The following RAB28 variants were observed in gnomAD, a reference collection of about 807,000 sequenced individuals.
RAB28 encodes the protein ras-related protein Rab-28.
Under a neutral mutation model 31.7 loss-of-function variants are expected in RAB28, and 24 were observed. The observed-to-expected ratio is 0.76, with a 90% CI of 0.55 to 1.06. RAB28 has a LOEUF of 1.06. RAB28 is among the 50% of genes least tolerant of loss of function. The pLI, the probability that RAB28 is intolerant of heterozygous loss-of-function variation, is 0.00. For synonymous variants in RAB28, 100 were observed against 90.4 expected, an observed-to-expected ratio of 1.11 and a Z score of -0.60; for missense variants, 254 against 258.5, an observed-to-expected ratio of 0.98 and a Z score of 0.12.
intron 4 of RAB28, among the ~76,000 whole-genome samples, chr4:13,383,263 T>C (rs1480373389): frequency 4.6e-5 from 7 of 152,252 alleles, no homozygotes; most frequent in South Asian, 2.1e-4. Context: ...TCGCCACCCA[T>C]TGAAATCACC....
At chr4:13,391,197 A>T (rs1370707424) in intron 4 of RAB28, among the ~76,000 whole-genome samples, 2 of 152,224 alleles carry the variant, frequency 1.3e-5, no homozygotes, top group Admixed American at 1.3e-4. Flanking sequence ...AAGAACTTAA[A>T]CAAATTTACA....
chr4:13,408,254 C>A (rs1354178001), intron 4 of RAB28, among the ~76,000 whole-genome samples: 3 of 152,150 alleles, frequency 2.0e-5, no homozygotes, highest in Non-Finnish European at 4.4e-5. Context: ...GCCTTTTCTG[C>A]ATCTATTGAG....
chr4:13,368,279 C>T lies in RAB28; in HGVS notation c.*279G>A. 10 of 1,073,754 alleles carry T rather than the reference C, an allele frequency of 9.3e-6. No individual in the cohort carries two copies. Among genetic ancestry groups the T allele is most frequent in the Non-Finnish European group, 1.1e-5 (10 of 887,956 alleles). 66.5% of individuals were successfully genotyped at this position (1,073,754 alleles called of 1,614,324 possible). A position where few individuals can be genotyped will look rare whatever the true frequency, so the allele number is the denominator to read the frequency against. ...ACATCAATGAAAAAAGAAGCAAGGA[C>T]ATACAAAGAAACAACATCATTCTTT... On this transcript the variant is annotated 3_prime_UTR_variant, in exon 7 of 7. Coordinates refer to ENST00000330852, the MANE Select transcript of RAB28 (RefSeq NM_001017979.3).
At chr4:13,375,190 T>G (rs916771880) in intron 6 of RAB28, among the ~76,000 whole-genome samples, 2 of 152,138 alleles carry the variant, frequency 1.3e-5, no homozygotes, top group African/African-American at 2.4e-5. Context: ...ATCAAGTTAC[T>G]GAGTCTCTCC....
intron 4 of RAB28, among the ~76,000 whole-genome samples, chr4:13,388,068 G>A (rs186083939): frequency 6.6e-6 from 1 of 151,936 alleles, no homozygotes; most frequent in African/African-American, 2.4e-5. Flanking sequence ...TAACAAACGT[G>A]GTGTTATTCT....
At chr4:13,387,696 T>C (rs1450607642) in intron 4 of RAB28, among the ~76,000 whole-genome samples, 2 of 152,068 alleles carry the variant, frequency 1.3e-5, no homozygotes, top group Non-Finnish European at 2.9e-5. Flanking sequence ...AATAGCTGTC[T>C]GTGAAGAATT....
chr4:13,411,436 T>C lies in RAB28; in HGVS notation c.392-29842A>G, dbSNP rs148646268. On this transcript the variant is annotated intron_variant, in intron 4 of 6. Coordinates refer to ENST00000330852, the MANE Select transcript of RAB28 (RefSeq NM_001017979.3). ...GATATGTGATATGATATGAAGCATA[T>C]TGTAAAACTAATGTAAACTTAATAA... Among the ~76,000 whole-genome samples, 701 of 152,230 alleles carry C rather than the reference T, an allele frequency of 4.6e-3. 6 individuals carry two copies. The highest frequency in any genetic ancestry group is 0.016 in the African/African-American group (664 of 41,554).
Position 13,368,334 on chromosome 4 carries a change from G to A in RAB28, c.*224C>T, listed in dbSNP as rs116540634. The A allele has an allele frequency of 9.1e-4, 1,083 of 1,187,338 alleles. 2 individuals are homozygous for A. The highest frequency in any genetic ancestry group is 1.1e-3 in the Non-Finnish European group (1,039 of 959,422). The allele number at this position is 1,187,338 out of a possible 1,614,324, so 73.6% of individuals were successfully genotyped here. ...ATGAAGCAGTCTAATTCCAGGGAAT[G>A]GGTTTTCCATTTTGAATTCAAAGTG... is the stretch of plus-strand genomic sequence containing the variant. On this transcript the variant is annotated 3_prime_UTR_variant, in exon 7 of 7. Transcript: ENST00000330852.
chr4:13,428,234 C>T (rs904969062), intron 4 of RAB28, among the ~76,000 whole-genome samples: 5 of 152,182 alleles, frequency 3.3e-5, no homozygotes, highest in African/African-American at 1.2e-4. Context: ...TTTACTTCTT[C>T]TTTCTTTGGA....
chr4:13,403,595 TC>T (rs1478320411), intron 4 of RAB28, among the ~76,000 whole-genome samples: 1 of 152,242 alleles, frequency 6.6e-6, no homozygotes, highest in Non-Finnish European at 1.5e-5. Flanking sequence ...TATGGCATAT[TC>T]CTGCATATTG....
intron 4 of RAB28, among the ~76,000 whole-genome samples, chr4:13,407,593 T>C (rs865959925): frequency 7.9e-5 from 12 of 152,216 alleles, no homozygotes; most frequent in African/African-American, 2.9e-4. Context: ...ATAAATCACT[T>C]TGGGCGATAT....
intron 6 of RAB28, among the ~76,000 whole-genome samples, chr4:13,376,065 C>T (rs751189279): frequency 1.2e-4 from 18 of 151,928 alleles, no homozygotes; most frequent in South Asian, 4.1e-4. Flanking sequence ...TCTTGGCTGC[C>T]GCTATGCATG....
intron 3 of RAB28, among the ~76,000 whole-genome samples, chr4:13,462,880 C>G (rs1291371970): frequency 6.6e-6 from 1 of 152,126 alleles, no homozygotes; most frequent in Non-Finnish European, 1.5e-5. Flanking sequence ...GAAGATTAAT[C>G]TTCAAGCTAC....
At chr4:13,422,649 GACAGAAAAC>G (rs1713232176) in intron 4 of RAB28, among the ~76,000 whole-genome samples, 1 of 151,622 alleles carries the variant, frequency 6.6e-6, no homozygotes. Flanking sequence ...CTATCTTAAG[GACAGAAAAC>G]CAAACACTGC....
chr4:13,371,306 A>G, intron 6 of RAB28: 2 of 985,256 alleles, frequency 2.0e-6, no homozygotes, highest in Non-Finnish European at 2.4e-6. Context: ...CGGGGGGTAC[A>G]TCAGTGAAAT....
intron 4 of RAB28, among the ~76,000 whole-genome samples, chr4:13,383,336 T>C (rs1369249168): frequency 2.0e-5 from 3 of 152,188 alleles, no homozygotes; most frequent in African/African-American, 7.2e-5. Flanking sequence ...TGTACATTTG[T>C]TTTTTCTAAT....
chr4:13,447,617 T>A lies in RAB28; in HGVS notation c.391+13082A>T, dbSNP rs796474356. ...CTTCAGGAACAATTTAAATTTTTTT[T>A]AAAAAAGCGATTTAGAGCCCCCAAA... On this transcript the variant is annotated intron_variant, in intron 4 of 6. Coordinates refer to ENST00000330852, the MANE Select transcript of RAB28 (RefSeq NM_001017979.3). Among the ~76,000 whole-genome samples, 200 of 152,262 alleles carry A rather than the reference T, an allele frequency of 1.3e-3. 1 individual carries two copies. Among genetic ancestry groups the A allele is most frequent in the African/African-American group, 3.6e-3 (151 of 41,558 alleles).
At chr4:13,459,185 C>G (rs1315055130) in intron 4 of RAB28, among the ~76,000 whole-genome samples, 6 of 152,190 alleles carry the variant, frequency 3.9e-5, no homozygotes, top group Admixed American at 3.9e-4. Flanking sequence ...GCCAGCGGCT[C>G]TCAGGTCTTC....
intron 4 of RAB28, among the ~76,000 whole-genome samples, chr4:13,405,241 T>A (rs1712008774): frequency 6.6e-6 from 1 of 152,302 alleles, no homozygotes; most frequent in East Asian, 1.9e-4. Flanking sequence ...TACTAAATGA[T>A]ACATTTTAAC....
Sources: gnomAD v4.1 joint callset for allele counts (sites outside exome capture counted in the v4.1 genomes callset) on GRCh38, gnomAD v4.1.1 for gene constraint, MANE v1.5 for transcripts, NCBI Gene and HGNC (gene_info 2026-07-23, HGNC 2026-07-21) for gene names.